SEMA3E: variants seen among roughly 807,000 people sequenced by gnomAD.
SEMA3E encodes semaphorin 3E.
SEMA3E carries 49 observed loss-of-function variants against 93.6 expected under a neutral mutation model. The observed-to-expected ratio is 0.52, with a 90% CI of 0.42 to 0.66. The LOEUF is 0.66. Among genes scored for constraint, SEMA3E ranks in the 30% least tolerant of loss-of-function variants. SEMA3E has a pLI of 0.00. For synonymous variants in SEMA3E, 363 were observed against 330.7 expected, an observed-to-expected ratio of 1.10 and a Z score of -1.06; for missense variants, 906 against 964.8, an observed-to-expected ratio of 0.94 and a Z score of 0.81.
intron 15 of SEMA3E, among the ~76,000 whole-genome samples, chr7:83,386,386 A>G (rs1483240681): frequency 1.3e-5 from 2 of 152,124 alleles, no homozygotes; most frequent in African/African-American, 2.4e-5. Flanking sequence ...CACTACCATA[A>G]TAGAAAGAGT....
At chr7:83,401,870 C>A (rs1045387831) in intron 10 of SEMA3E, among the ~76,000 whole-genome samples, 2 of 152,016 alleles carry the variant, frequency 1.3e-5, no homozygotes, top group African/African-American at 4.8e-5. Flanking sequence ...ATAGCACATA[C>A]AATGATCCAA....
At chr7:83,465,013 T>A (rs1789720527) in intron 4 of SEMA3E, among the ~76,000 whole-genome samples, 1 of 9,808 alleles carries the variant, frequency 1.0e-4, no homozygotes, top group African/African-American at 1.1e-4. Context: ...CTGAAGTAAC[T>A]GAAGAATCAA....
rs553793167 is a variant in SEMA3E at position 83,404,201 on chromosome 7, G to T, written c.998+1249C>A. 2.6e-5 allele frequency among the ~76,000 whole-genome samples: 4 copies of T among 151,962 alleles called. No individual in the cohort carries two copies. The South Asian group carries it at 6.2e-4, about 24-fold the overall frequency. On this transcript the variant is annotated intron_variant, in intron 9 of 16. Transcript: ENST00000643230. ...CAATCTACATTAACTATTTTTCTTT[G>T]CATCAAGGAATAATTGATAGACAAA...
intron 1 of SEMA3E, among the ~76,000 whole-genome samples, chr7:83,637,883 T>C (rs1793912200): frequency 6.6e-6 from 1 of 151,924 alleles, no homozygotes; most frequent in South Asian, 2.1e-4. Flanking sequence ...CAGTGGTTTC[T>C]GGGCTGGTGT....
At chr7:83,614,860 A>G (rs1793331561) in intron 1 of SEMA3E, among the ~76,000 whole-genome samples, 1 of 152,174 alleles carries the variant, frequency 6.6e-6, no homozygotes, top group Non-Finnish European at 1.5e-5. Context: ...CCAAAGGATG[A>G]CAGGGATGTG....
chr7:83,594,071 T>C (rs1400956537), intron 1 of SEMA3E, among the ~76,000 whole-genome samples: 2 of 152,188 alleles, frequency 1.3e-5, no homozygotes, highest in East Asian at 1.9e-4. Context: ...GCATCTTTAG[T>C]ATTGAGGCTG....
chr7:83,503,010 C>CTTTTTTT (rs71522664), intron 1 of SEMA3E, among the ~76,000 whole-genome samples: 4 of 138,872 alleles, frequency 2.9e-5, no homozygotes, highest in Non-Finnish European at 3.1e-5. Context: ...TTCTTTCTCT[C>CTTTTTTT]TCTTTTTTTT....
At chr7:83,563,653 C>T (rs1046059776) in intron 1 of SEMA3E, among the ~76,000 whole-genome samples, 21 of 152,148 alleles carry the variant, frequency 1.4e-4, no homozygotes, top group African/African-American at 4.6e-4. Flanking sequence ...GCCTTCAATC[C>T]AAATATGTTA....
At chr7:83,631,881 C>T (rs951573583) in intron 1 of SEMA3E, among the ~76,000 whole-genome samples, 2 of 152,208 alleles carry the variant, frequency 1.3e-5, no homozygotes, top group Non-Finnish European at 2.9e-5. Flanking sequence ...GTTGGCCGGG[C>T]ACAGTGGCTT....
chr7:83,505,833 G>A (rs1194533072), intron 1 of SEMA3E, among the ~76,000 whole-genome samples: 1 of 151,572 alleles, frequency 6.6e-6, no homozygotes, highest in African/African-American at 2.4e-5. Context: ...GGCTAACATG[G>A]TGAAACCTCG....
In SEMA3E at chr7:83,402,642, C is replaced by T. The variant is rs1296826902; in HGVS notation, c.1133G>A (p.Arg378Lys). 1 of 1,612,266 alleles carries T rather than the reference C, an allele frequency of 6.2e-7. No individual in the cohort carries two copies. The highest frequency in any genetic ancestry group is 8.5e-7 in the Non-Finnish European group (1 of 1,178,664). Reference protein sequence around the residue: ...SVYEGKVPYPRPGSCASKVNG... With the variant: ...SVYEGKVPYPKPGSCASKVNG... ...TATAACTAAACTTACAGAACCAGGCCTTGGATAAGGGACTTTTCCTTCATA... is the reference window on the plus strand; with the variant it reads ...TATAACTAAACTTACAGAACCAGGCTTTGGATAAGGGACTTTTCCTTCATA... Residue 378 changes from arginine to lysine, a missense_variant, in exon 10 of 17, where the codon AGG (arginine) becomes AAG (lysine). Physicochemically the swap from Arg to Lys is conservative, Grantham distance 26 (BLOSUM62 2). Coordinates refer to ENST00000643230, the MANE Select transcript of SEMA3E (RefSeq NM_012431.3).
At chr7:83,432,722 A>G (rs763384736) in intron 4 of SEMA3E, among the ~76,000 whole-genome samples, 24 of 152,306 alleles carry the variant, frequency 1.6e-4, no homozygotes, top group Admixed American at 3.3e-4. Context: ...GTGCCTATTA[A>G]TTTCAAAGAG....
intron 4 of SEMA3E, among the ~76,000 whole-genome samples, chr7:83,435,242 T>C (rs1788981448): frequency 6.6e-6 from 1 of 152,164 alleles, no homozygotes; most frequent in Non-Finnish European, 1.5e-5. Context: ...AGGCATTTAT[T>C]ATCCAAAACA....
At chr7:83,544,763 G>A (rs898241979) in intron 1 of SEMA3E, among the ~76,000 whole-genome samples, 1 of 151,828 alleles carries the variant, frequency 6.6e-6, no homozygotes, top group Non-Finnish European at 1.5e-5. Flanking sequence ...CTTAACATAG[G>A]CCAGTAGGAT....
At chr7:83,382,622 G>C (rs1012073465) in intron 16 of SEMA3E, among the ~76,000 whole-genome samples, 1 of 151,416 alleles carries the variant, frequency 6.6e-6, no homozygotes, top group African/African-American at 2.4e-5. Flanking sequence ...GCTATACATA[G>C]TATCTTATAT....
intron 4 of SEMA3E, among the ~76,000 whole-genome samples, chr7:83,453,913 C>T (rs58966817): frequency 6.7e-6 from 1 of 148,428 alleles, no homozygotes; most frequent in South Asian, 2.2e-4. Context: ...TAGATTTTTA[C>T]AAATTATTTT....
chr7:83,579,081 G>A (rs1025177785), intron 1 of SEMA3E, among the ~76,000 whole-genome samples: 14 of 152,128 alleles, frequency 9.2e-5, no homozygotes, highest in Admixed American at 6.6e-5. Context: ...GAGAGAACAT[G>A]TTATCCTATT....
At chr7:83,427,124 A>G (rs1239833591) in intron 4 of SEMA3E, among the ~76,000 whole-genome samples, 1 of 152,168 alleles carries the variant, frequency 6.6e-6, no homozygotes, top group Non-Finnish European at 1.5e-5. Flanking sequence ...AGATGCAACA[A>G]GGAGGTACAA....
intron 1 of SEMA3E, among the ~76,000 whole-genome samples, chr7:83,595,055 C>G (rs975768282): frequency 2.6e-5 from 4 of 151,756 alleles, no homozygotes; most frequent in African/African-American, 9.7e-5. Flanking sequence ...TATCTCATCA[C>G]CAGGTTGAGG....
Sources: gnomAD v4.1 joint callset for allele counts (sites outside exome capture counted in the v4.1 genomes callset) on GRCh38, gnomAD v4.1.1 for gene constraint, MANE v1.5 for transcripts, NCBI Gene and HGNC (gene_info 2026-07-23, HGNC 2026-07-21) for gene names.